Variants in PLCXD3 observed in about 807,000 individuals in gnomAD.
PLCXD3 encodes the protein phosphatidylinositol specific phospholipase C X domain containing 3, also known as PI-PLC X domain-containing protein 3.
In PLCXD3, 19 loss-of-function variants were observed where a neutral mutation model predicts 25.5. That is an observed-to-expected ratio of 0.75 (90% CI 0.52 to 1.09). The LOEUF is 1.09. PLCXD3 is among the 50% of genes least tolerant of loss of function. The pLI is 0.00. For synonymous variants in PLCXD3, 174 were observed against 137.6 expected (o/e 1.26, Z -1.85); for missense variants, 411 against 388.1 (o/e 1.06, Z -0.50).
At chr5:41,421,382 G>A (rs987575003) in intron 1 of PLCXD3, among the ~76,000 whole-genome samples, 5 of 152,182 alleles carry the variant, frequency 3.3e-5, no homozygotes, top group East Asian at 1.9e-4. Flanking sequence ...GTATTATTCC[G>A]TTAGATGTTT....
intron 1 of PLCXD3, among the ~76,000 whole-genome samples, chr5:41,502,553 G>A (rs1254334248): frequency 6.6e-6 from 1 of 152,100 alleles, no homozygotes; most frequent in Non-Finnish European, 1.5e-5. Context: ...TGAGAATCAA[G>A]AAGAGGTAAA....
chr5:41,339,529 C>T (rs1372570745), intron 2 of PLCXD3, among the ~76,000 whole-genome samples: 1 of 151,938 alleles, frequency 6.6e-6, no homozygotes, highest in African/African-American at 2.4e-5. Flanking sequence ...CTGACTGAGT[C>T]TGTACTTATC....
chr5:41,428,329 G>C (rs1299051538), intron 1 of PLCXD3, among the ~76,000 whole-genome samples: 1 of 148,440 alleles, frequency 6.7e-6, no homozygotes, highest in East Asian at 2.0e-4. Context: ...CTAACCCCCA[G>C]TACCTCAGAA....
At position 41,490,666 on chromosome 5, in the gene PLCXD3, G is replaced by A. The variant is rs1189946671; in HGVS notation, c.103+19758C>T. 1.2e-4 allele frequency among the ~76,000 whole-genome samples: 19 copies of A among 152,132 alleles called. 1 individual carries two copies. In the East Asian group the frequency reaches 2.3e-3, roughly 19 times the overall value. On this transcript the variant is annotated intron_variant, in intron 1 of 2. Transcript: ENST00000377801. ...CTTCTTCCTTGTTTAGTCTTGGGAG[G>A]GTGTATGTGTCGAGGAATTTATCCA...
intron 1 of PLCXD3, among the ~76,000 whole-genome samples, chr5:41,387,124 C>T (rs987435055): frequency 6.6e-6 from 1 of 152,030 alleles, no homozygotes; most frequent in Non-Finnish European, 1.5e-5. Flanking sequence ...GGCCACCAAT[C>T]ACTGGACCCA....
intron 1 of PLCXD3, among the ~76,000 whole-genome samples, chr5:41,458,336 C>T (rs530839608): frequency 6.6e-6 from 1 of 151,728 alleles, no homozygotes; most frequent in East Asian, 1.9e-4. Flanking sequence ...AAAGATTAGA[C>T]AGAGAAACAG....
intron 1 of PLCXD3, among the ~76,000 whole-genome samples, chr5:41,459,902 G>A (rs1483000316): frequency 6.6e-6 from 1 of 151,864 alleles, no homozygotes; most frequent in East Asian, 1.9e-4. Context: ...TTGTCATTGG[G>A]CTAAGGAGAG....
chr5:41,307,505 A>C lies in PLCXD3; in HGVS notation c.*6112T>G, dbSNP rs1481101661. ...TAGGGCTTCTTGGGTTTTCAATTCC[A>C]AAAAAAAATAGTACTGGTCGTTATA... On this transcript the variant is annotated 3_prime_UTR_variant, in exon 3 of 3. Transcript: ENST00000377801. 6.6e-6 allele frequency: 1 copy of C among 150,868 alleles called. No homozygotes were observed. The highest frequency in any genetic ancestry group is 1.5e-5 in the Non-Finnish European group (1 of 67,638). 9.3% of individuals were successfully genotyped at this position (150,868 alleles called of 1,614,324 possible).
At position 41,370,936 on chromosome 5, in the gene PLCXD3, C is replaced by T. The variant is rs535435968; in HGVS notation, c.812+10890G>A. On this transcript the variant is annotated intron_variant, in intron 2 of 2. Coordinates refer to ENST00000377801, the MANE Select transcript of PLCXD3 (RefSeq NM_001005473.3). ...AAGAACTATGTTCTTCTATTTTTTTCCTGCCCTGGACCCCTTCTCTCCATC... is the reference window on the plus strand; with the variant it reads ...AAGAACTATGTTCTTCTATTTTTTTTCTGCCCTGGACCCCTTCTCTCCATC... 2.0e-5 allele frequency among the ~76,000 whole-genome samples: 3 copies of T among 152,074 alleles called. No individual in the cohort carries two copies. In the South Asian group the frequency reaches 6.2e-4, roughly 32 times the overall value.
At chr5:41,398,411 G>T (rs1046940885) in intron 1 of PLCXD3, among the ~76,000 whole-genome samples, 6 of 152,034 alleles carry the variant, frequency 3.9e-5, no homozygotes, top group African/African-American at 1.4e-4. Flanking sequence ...GTTTCCTGAG[G>T]CCTCCAAGCC....
In PLCXD3 at chr5:41,492,770, T is replaced by G. The variant is rs535098344; in HGVS notation, c.103+17654A>C. 2.6e-4 allele frequency among the ~76,000 whole-genome samples: 39 copies of G among 152,378 alleles called. No homozygotes were observed. In the East Asian group the frequency reaches 7.1e-3, roughly 28 times the overall value. On this transcript the variant is annotated intron_variant, in intron 1 of 2. Transcript: ENST00000377801. ...CTTCACGTAGTTCTCGAGCCTTGGC[T>G]TTCAGCCCCATCAGCTCCTTTAAGC...
intron 2 of PLCXD3, among the ~76,000 whole-genome samples, chr5:41,336,480 T>C (rs1743982857): frequency 6.6e-6 from 1 of 152,154 alleles, no homozygotes; most frequent in South Asian, 2.1e-4. Context: ...TTACTTTCAT[T>C]TTTTCTAGTT....
At chr5:41,488,374 T>C (rs1245168624) in intron 1 of PLCXD3, among the ~76,000 whole-genome samples, 1 of 132,882 alleles carries the variant, frequency 7.5e-6, no homozygotes, top group Non-Finnish European at 1.6e-5. Context: ...TTGTGAATAG[T>C]GCTGCAATAA....
chr5:41,355,744 T>C (rs760514346), intron 2 of PLCXD3, among the ~76,000 whole-genome samples: 3 of 152,180 alleles, frequency 2.0e-5, no homozygotes, highest in Non-Finnish European at 4.4e-5. Context: ...CGAGAGTGGG[T>C]TGCATGTAAC....
intron 1 of PLCXD3, among the ~76,000 whole-genome samples, chr5:41,417,192 C>T (rs974669586): frequency 8.5e-5 from 13 of 152,138 alleles, no homozygotes; most frequent in Admixed American, 6.5e-5. Flanking sequence ...TACTATTACC[C>T]ATTGAGGGCT....
intron 2 of PLCXD3, among the ~76,000 whole-genome samples, chr5:41,319,082 A>G (rs981967449): frequency 9.9e-5 from 15 of 152,232 alleles, no homozygotes; most frequent in Non-Finnish European, 1.0e-4. Flanking sequence ...GTAAATATAT[A>G]TGCAGTCAAC....
chr5:41,378,864 T>C (rs80207677), intron 2 of PLCXD3, among the ~76,000 whole-genome samples: 2,376 of 152,148 alleles, frequency 0.016, 60 homozygotes, highest in African/African-American at 0.055. Flanking sequence ...AGTTTAACTA[T>C]GACTTGAAAA....
chr5:41,464,706 C>T (rs1747971930), intron 1 of PLCXD3, among the ~76,000 whole-genome samples: 1 of 152,048 alleles, frequency 6.6e-6, no homozygotes. Context: ...ATGTCTTCTT[C>T]ATGGTGAATT....
chr5:41,311,186 A>G lies in PLCXD3; in HGVS notation c.*2431T>C, dbSNP rs1743128799. ...GATGAATGAATAGCCAGTTAGAGAGAAAGTCTGCCCAAAAACCAAATTTAC... is the reference window on the plus strand; with the variant it reads ...GATGAATGAATAGCCAGTTAGAGAGGAAGTCTGCCCAAAAACCAAATTTAC... On this transcript the variant is annotated 3_prime_UTR_variant, in exon 3 of 3. Transcript: ENST00000377801. 6.6e-6 allele frequency: 1 copy of G among 152,162 alleles called. No individual in the cohort carries two copies. Among genetic ancestry groups the G allele is most frequent in the South Asian group, 2.1e-4 (1 of 4,834 alleles). The allele number at this position is 152,162 out of a possible 1,614,324, so 9.4% of individuals were successfully genotyped here.
Sources: gnomAD v4.1 joint callset for allele counts (sites outside exome capture counted in the v4.1 genomes callset) on GRCh38, gnomAD v4.1.1 for gene constraint, MANE v1.5 for transcripts, NCBI Gene and HGNC (gene_info 2026-07-23, HGNC 2026-07-21) for gene names.